The following LRFN3 variants were observed in gnomAD, a reference collection of about 807,000 sequenced individuals.
LRFN3 encodes leucine rich repeat and fibronectin type III domain containing 3, also known as leucine-rich repeat and fibronectin type-III domain-containing protein 3.
Under a neutral mutation model 23.8 loss-of-function variants are expected in LRFN3, and 8 were observed. The ratio of observed to expected loss-of-function variants is 0.34; its 90% CI spans 0.20 to 0.61. The LOEUF is 0.61. Ranked by LOEUF, LRFN3 falls within the 20% of genes least tolerant of loss-of-function variation. The pLI is 0.80. For synonymous variants in LRFN3, 451 were observed against 450.6 expected (o/e 1.00, Z -0.01); for missense variants, 736 against 935.3 (o/e 0.79, Z 2.78).
chr19:35,941,358 C>T (rs1177840309), intron 2 of LRFN3, among the ~76,000 whole-genome samples: 2 of 152,070 alleles, frequency 1.3e-5, no homozygotes, highest in Non-Finnish European at 2.9e-5. Flanking sequence ...TTCCAGATGA[C>T]AGGACTAGAT....
In LRFN3 at chr19:35,940,807, A is replaced by G. The variant is rs1399000524; in HGVS notation, c.1382A>G (p.Tyr461Cys). ...IPGIRMYQIQ[Y>C]NSSADDILVY... ...GGCATCCGCATGTACCAGATCCAGT[A>G]CAACAGCTCGGCTGATGACATCCTC... The change falls in exon 2 of 3, where the codon TAC (tyrosine) becomes TGC (cysteine). Residue 461 changes from tyrosine to cysteine, a missense_variant. Coordinates refer to ENST00000246529, the MANE Select transcript of LRFN3 (RefSeq NM_024509.2). 1 of 1,590,384 alleles carries G rather than the reference A, an allele frequency of 6.3e-7. No individual in the cohort carries two copies. The highest frequency in any genetic ancestry group is 2.3e-5 in the East Asian group (1 of 44,328).
At chr19:35,943,851 T>C (rs1322167138) in intron 2 of LRFN3, among the ~76,000 whole-genome samples, 1 of 151,234 alleles carries the variant, frequency 6.6e-6, no homozygotes, top group Non-Finnish European at 1.5e-5. Context: ...TGGAGGGAAA[T>C]TGAGTGGGCA....
chr19:35,944,305 A>G lies in LRFN3; in HGVS notation c.1416-243A>G, dbSNP rs576917116. ...GAGTGAAAATGGGCAGCAGGCTATG[A>G]GGACGTGTGAGAGGGTGGGCTAGAG... On this transcript the variant is annotated intron_variant, in intron 2 of 2. Transcript: ENST00000246529. This position sits in a 1 kb window ranked among gnomAD's most constrained non-coding sequence, Gnocchi z 4.5. 6.6e-6 allele frequency among the ~76,000 whole-genome samples: 1 copy of G among 152,336 alleles called. No homozygotes were observed. Among genetic ancestry groups the G allele is most frequent in the East Asian group, 1.9e-4 (1 of 5,184 alleles).
At position 35,939,652 on chromosome 19, in the gene LRFN3, G is replaced by A. The variant is rs753224798; in HGVS notation, c.227G>A (p.Arg76His). The change falls in exon 2 of 3, where the codon CGC becomes CAC. Residue 76 changes from arginine (R) to histidine (H), a missense_variant. Physicochemically the swap from Arg to His is conservative, Grantham distance 29 (BLOSUM62 0). Around this residue, in one of 2 missense-constraint regions of LRFN3, gnomAD observed 446 missense variants for 647.9 expected, o/e 0.69. Coordinates refer to ENST00000246529, the MANE Select transcript of LRFN3 (RefSeq NM_024509.2). The surrounding 1 kb of genome is among the most constrained non-coding windows in gnomAD (Gnocchi z 6.4). ...LADNFIASVRRRDLANMTGLL... is the reference protein window; with the variant it reads ...LADNFIASVRHRDLANMTGLL... ...GACAACTTCATCGCCTCCGTGCGCCGCCGCGACCTGGCCAACATGACAGGC... is the reference window on the plus strand; with the variant it reads ...GACAACTTCATCGCCTCCGTGCGCCACCGCGACCTGGCCAACATGACAGGC... 49 of 1,608,202 alleles carry A rather than the reference G, an allele frequency of 3.0e-5. No individual in the cohort carries two copies. Among genetic ancestry groups the A allele is most frequent in the South Asian group, 5.5e-5 (5 of 91,034 alleles).
In LRFN3 at chr19:35,939,111, C is replaced by T. The variant is rs1315753942; in HGVS notation, c.-16-299C>T. Among the ~76,000 whole-genome samples, 2 of 152,168 alleles carry T rather than the reference C, an allele frequency of 1.3e-5. No individual in the cohort carries two copies. The highest frequency in any genetic ancestry group is 2.9e-5 in the Non-Finnish European group (2 of 68,032). ...TGTAGCTAGGACCACAGGTGGGCGC[C>T]ACCATGCCTAGCTAATTTTTAAAAA... On this transcript the variant is annotated intron_variant, in intron 1 of 2. Transcript: ENST00000246529. This position sits in a 1 kb window ranked among gnomAD's most constrained non-coding sequence, Gnocchi z 6.4.
At position 35,939,286 on chromosome 19, in the gene LRFN3, A is replaced by G. The variant is rs954947186; in HGVS notation, c.-16-124A>G. On this transcript the variant is annotated intron_variant, in intron 1 of 2. Transcript: ENST00000246529. This position sits in a 1 kb window ranked among gnomAD's most constrained non-coding sequence, Gnocchi z 6.4. ...TGGCCTTCCTCTGGCTTTTGGTCAC[A>G]TCTGACGGTCTTTGACCAGCCCTTC... 3.8e-6 allele frequency: 4 copies of G among 1,056,036 alleles called. No homozygotes were observed. The highest frequency in any genetic ancestry group is 6.3e-4 in the Middle Eastern group (2 of 3,178). 65.4% of individuals were successfully genotyped at this position (1,056,036 alleles called of 1,614,324 possible).
In LRFN3 at chr19:35,940,264, G is replaced by T; in HGVS notation, c.839G>T (p.Gly280Val). The T allele has an allele frequency of 6.2e-7, 1 of 1,604,452 alleles. No individual in the cohort carries two copies. The change falls in exon 2 of 3, where the codon GGC (glycine) becomes GTC (valine). Residue 280 changes from glycine (G) to valine (V), a missense_variant. Physicochemically the swap from Gly to Val is moderately radical, Grantham distance 109. This residue lies in a region of LRFN3 where 446 missense variants were observed against 647.9 expected (regional missense o/e 0.69). Coordinates refer to ENST00000246529, the MANE Select transcript of LRFN3 (RefSeq NM_024509.2). ...EACASPPALGGRYFWAVGEEE... is the reference protein window; with the variant it reads ...EACASPPALGVRYFWAVGEEE... ...TGCGCGTCCCCACCTGCTCTGGGCG[G>T]CCGCTACTTCTGGGCGGTGGGCGAG...
Position 35,945,927 on chromosome 19 carries a change from AG to A in LRFN3, c.*911del, listed in dbSNP as rs1175463479. ...TGGGAGCCCCAGGGGAAGCTGGGGC[AG>A]GGACCTGGGTGGGTGAGGACGAAGT... On this transcript the variant is annotated 3_prime_UTR_variant, in exon 3 of 3. Transcript: ENST00000246529. 6.6e-6 allele frequency among the ~76,000 whole-genome samples: 1 copy of A among 152,096 alleles called. No individual in the cohort carries two copies. Among genetic ancestry groups the A allele is most frequent in the Non-Finnish European group, 1.5e-5 (1 of 68,018 alleles).
rs775045793 is a variant in LRFN3, at chr19:35,940,420, C to A, written c.995C>A (p.Pro332His). ...DPEPRVRWVS[P>H]QGRLLGNSSR... ...GAGCCCCGTGTGCGTTGGGTGTCAC[C>A]CCAGGGCCGGCTGCTAGGCAACTCA... Residue 332 changes from proline (P) to histidine (H), a missense_variant, in exon 2 of 3, where the codon CCC becomes CAC. Around this residue, in one of 2 missense-constraint regions of LRFN3, gnomAD observed 446 missense variants for 647.9 expected, o/e 0.69. Coordinates refer to ENST00000246529, the MANE Select transcript of LRFN3 (RefSeq NM_024509.2). 3.1e-6 allele frequency: 5 copies of A among 1,593,820 alleles called. No homozygotes were observed. Among genetic ancestry groups the A allele is most frequent in the Non-Finnish European group, 4.3e-6 (5 of 1,174,898 alleles).
rs562633640 is a variant in LRFN3 at position 35,939,716 on chromosome 19, C to A, written c.291C>A (p.His97Gln). 1.2e-6 allele frequency: 2 copies of A among 1,604,146 alleles called. No individual in the cohort carries two copies. The highest frequency in any genetic ancestry group is 1.7e-5 in the Admixed American group (1 of 59,858). ...HLSLSRNTIR[H>Q]VAAGAFADLR... ...GCCTGTCGCGGAACACCATCCGCCA[C>A]GTGGCTGCCGGCGCCTTCGCCGACC... is the stretch of plus-strand genomic sequence containing the variant. The change falls in exon 2 of 3, where the codon CAC becomes CAA. Residue 97 changes from histidine (H) to glutamine (Q), a missense_variant. Transcript: ENST00000246529. The surrounding 1 kb of genome is among the most constrained non-coding windows in gnomAD (Gnocchi z 6.4).
At chr19:35,941,517 C>T (rs566121762) in intron 2 of LRFN3, among the ~76,000 whole-genome samples, 5 of 151,840 alleles carry the variant, frequency 3.3e-5, no homozygotes, top group African/African-American at 1.2e-4. Flanking sequence ...GACTGGGCTT[C>T]GGTGTGTGTG....
At chr19:35,940,991 T>G in intron 2 of LRFN3, 151 bp downstream of exon 2, 1 of 1,247,284 alleles carries the variant, frequency 8.0e-7, no homozygotes, top group African/African-American at 1.5e-5. Flanking sequence ...GTAAAAGAAA[T>G]CAGGCAGCAA....
chr19:35,944,559 C>T lies in LRFN3; in HGVS notation c.1427C>T (p.Ala476Val), dbSNP rs996497933. Residue 476 changes from alanine (A) to valine (V), a missense_variant, in exon 3 of 3, where the codon GCG becomes GTG. By Grantham distance (64) the Ala-to-Val change is moderately conservative. Transcript: ENST00000246529. This position sits in a 1 kb window ranked among gnomAD's most constrained non-coding sequence, Gnocchi z 4.5. ...TGCCTGCCCTGCAGGATGATCCCGG[C>T]GGAGAGCCGCTCGTTCCTGCTGACG... ...DDILVYRMIPAESRSFLLTDL... is the reference protein window; with the variant it reads ...DDILVYRMIPVESRSFLLTDL... 2.7e-6 allele frequency: 4 copies of T among 1,462,182 alleles called. No homozygotes were observed. The highest frequency in any genetic ancestry group is 1.4e-5 in the African/African-American group (1 of 69,196). The allele number at this position is 1,462,182 out of a possible 1,614,324, so 90.6% of individuals were successfully genotyped here.
In LRFN3 at chr19:35,939,977, G is replaced by A. The variant is rs116617870; in HGVS notation, c.552G>A (p.Thr184=). The A allele has an allele frequency of 3.3e-4, 537 of 1,610,678 alleles. 4 individuals are homozygous for A. In the East Asian group the frequency reaches 0.012, roughly 35 times the overall value. Residue 184 remains threonine, a synonymous_variant, in exon 2 of 3, where the codon ACG becomes ACA. Coordinates refer to ENST00000246529, the MANE Select transcript of LRFN3 (RefSeq NM_024509.2). The surrounding 1 kb of genome is among the most constrained non-coding windows in gnomAD (Gnocchi z 6.4). The part of the protein sequence containing the change: ...EALGRLGNVN[T]LGLDHNLLAS... ...TGGGCCGCCTGGGCAACGTCAACAC[G>A]TTGGGCCTCGACCACAACCTGCTGG...
In LRFN3 at chr19:35,944,905, CCCCACG is replaced by C. The variant is rs762982347; in HGVS notation, c.1783_1788del (p.Thr595_Pro596del). On this transcript the variant is annotated inframe_deletion, in exon 3 of 3. Coordinates refer to ENST00000246529, the MANE Select transcript of LRFN3 (RefSeq NM_024509.2). This position sits in a 1 kb window ranked among gnomAD's most constrained non-coding sequence, Gnocchi z 4.5. Reference sequence around the variant, plus strand: ...GCTCCCAGACCAACGGCGCCCTGGGCCCCACGCCCACGCCCGCCCCGCCCGCCCCGG... The same window carrying C: ...GCTCCCAGACCAACGGCGCCCTGGGCCCCACGCCCGCCCCGCCCGCCCCGG... The C allele has an allele frequency of 6.3e-6, 10 of 1,584,862 alleles. No homozygotes were observed. In the South Asian group the frequency reaches 1.0e-4, roughly 16 times the overall value.
chr19:35,938,460 T>A (rs528475339), intron 1 of LRFN3, among the ~76,000 whole-genome samples: 1 of 151,352 alleles, frequency 6.6e-6, no homozygotes, highest in East Asian at 2.0e-4. Context: ...CCTCTGATCA[T>A]CTCTGGCCAC....
At position 35,944,677 on chromosome 19, in the gene LRFN3, C is replaced by A; in HGVS notation, c.1545C>A (p.Cys515Ter). ...TGLTATRPVG[C>*]ARFSTEPALR... The stretch of plus-strand genomic sequence containing the variant: ...TCACGGCCACGCGGCCTGTGGGCTG[C>A]GCCCGCTTCTCCACCGAACCTGCGC... Residue 515 changes from cysteine to a stop codon, truncating the protein, a stop_gained, in exon 3 of 3, where the codon TGC becomes TGA. Coordinates refer to ENST00000246529, the MANE Select transcript of LRFN3 (RefSeq NM_024509.2). LOFTEE classifies it high-confidence loss of function. This position sits in a 1 kb window ranked among gnomAD's most constrained non-coding sequence, Gnocchi z 4.5. The A allele has an allele frequency of 6.2e-7, 1 of 1,600,018 alleles. No homozygotes were observed. The highest frequency in any genetic ancestry group is 8.5e-7 in the Non-Finnish European group (1 of 1,175,810).
intron 2 of LRFN3, among the ~76,000 whole-genome samples, chr19:35,941,282 G>A (rs1304965769): frequency 2.0e-5 from 3 of 152,112 alleles, no homozygotes; most frequent in Admixed American, 2.0e-4. Context: ...GGGCAAGGGT[G>A]GGTGGGGAAG....
In LRFN3 at chr19:35,944,064, C is replaced by T. The variant is rs887513755; in HGVS notation, c.1416-484C>T. ...AATTAGCTGGGCATGGTAGTGCACA[C>T]CTGTAGTTCCTGCTACTCAGGAGGC... is the stretch of plus-strand genomic sequence containing the variant. On this transcript the variant is annotated intron_variant, in intron 2 of 2. Transcript: ENST00000246529. This position sits in a 1 kb window ranked among gnomAD's most constrained non-coding sequence, Gnocchi z 4.5. Among the ~76,000 whole-genome samples, 6 of 152,184 alleles carry T rather than the reference C, an allele frequency of 3.9e-5. No homozygotes were observed. The East Asian group carries it at 1.2e-3, about 29-fold the overall frequency.
Sources: allele counts gnomAD v4.1 joint callset (sites outside exome capture counted in the v4.1 genomes callset), GRCh38; gene constraint gnomAD v4.1.1; regional missense constraint gnomAD v4.1.1; non-coding constraint Gnocchi (gnomAD v3.1); transcripts MANE v1.5; gene names NCBI Gene and HGNC (gene_info 2026-07-23, HGNC 2026-07-21).